The following QRICH1 variants were observed in gnomAD, a reference collection of about 807,000 sequenced individuals.
QRICH1 encodes transcriptional regulator QRICH1.
A neutral mutation model predicts 87.1 loss-of-function variants in QRICH1; 16 were observed. The ratio of observed to expected loss-of-function variants is 0.18; its 90% CI spans 0.12 to 0.28. The LOEUF (loss-of-function observed/expected upper bound fraction) is 0.28. QRICH1 is among the 10% of genes least tolerant of loss of function. QRICH1 has a pLI of 1.00. For missense variants in QRICH1, 647 were observed against 951.7 expected (o/e 0.68, Z 4.21); for synonymous variants, 367 against 368.4 (o/e 1.00, Z 0.05).
intron 2 of QRICH1, among the ~76,000 whole-genome samples, chr3:49,058,415 C>T (rs900990173): frequency 1.6e-4 from 24 of 152,068 alleles, no homozygotes; most frequent in African/African-American, 4.8e-4. Flanking sequence ...CAATCTCCAC[C>T]TCTCAGGCTC....
chr3:49,068,033 T>TA (rs976604756), intron 2 of QRICH1, among the ~76,000 whole-genome samples: 3 of 151,926 alleles, frequency 2.0e-5, no homozygotes, highest in South Asian at 2.1e-4. Context: ...ACACCTTTTT[T>TA]AAAAAAAAGT....
rs551661126 is a variant in QRICH1 at position 49,029,730 on chromosome 3, T to A, written c.*722A>T. The stretch of plus-strand genomic sequence containing the variant: ...CATGTTGAAAAGACGTGCTTGTCAT[T>A]CTTAATAAACAACTAGAGTAAGAAT... On this transcript the variant is annotated 3_prime_UTR_variant, in exon 10 of 10. Coordinates refer to ENST00000395443, the MANE Select transcript of QRICH1 (RefSeq NM_198880.3). 2.9e-6 allele frequency: 1 copy of A among 343,330 alleles called. No individual in the cohort carries two copies. Among genetic ancestry groups the A allele is most frequent in the South Asian group, 2.5e-5 (1 of 39,840 alleles). The allele number at this position is 343,330 out of a possible 1,614,324, so 21.3% of individuals were successfully genotyped here.
intron 2 of QRICH1, among the ~76,000 whole-genome samples, chr3:49,075,437 CCTGGCCAACAAGGTGAAA>C (rs2041932690): frequency 6.6e-6 from 1 of 151,976 alleles, no homozygotes; most frequent in Non-Finnish European, 1.5e-5. Context: ...TCGAGACCAG[CCTGGCCAACAAGGTGAAA>C]CCCAGTCTCT....
intron 3 of QRICH1, among the ~76,000 whole-genome samples, chr3:49,049,777 C>T (rs1473679814): frequency 1.3e-5 from 2 of 151,628 alleles, no homozygotes; most frequent in African/African-American, 4.8e-5. Context: ...GGATTACAGG[C>T]GTGAGCCACC....
At chr3:49,046,295 TAA>T (rs2093339303) in intron 5 of QRICH1, 128 bp downstream of exon 5, 2 of 1,009,656 alleles carry the variant, frequency 2.0e-6, no homozygotes, top group Non-Finnish European at 2.8e-6. Flanking sequence ...ATGTGTATTT[TAA>T]AACTCACTGT....
chr3:49,030,075 C>A lies in QRICH1; in HGVS notation c.*377G>T. The A allele has an allele frequency of 3.1e-6, 1 of 327,320 alleles. No homozygotes were observed. Among genetic ancestry groups the A allele is most frequent in the East Asian group, 5.0e-5 (1 of 20,072 alleles). 20.3% of individuals were successfully genotyped at this position (327,320 alleles called of 1,614,324 possible). A position where few individuals can be genotyped will look rare whatever the true frequency, so the allele number is the denominator to read the frequency against. ...CAAAGTCTGTCAGCCCAGTGGAAGTCGGCTGGGGAGATTCCCTCCAGGGTC... is the reference window on the plus strand; with the variant it reads ...CAAAGTCTGTCAGCCCAGTGGAAGTAGGCTGGGGAGATTCCCTCCAGGGTC... On this transcript the variant is annotated 3_prime_UTR_variant, in exon 10 of 10. Transcript: ENST00000395443.
At position 49,030,425 on chromosome 3, in the gene QRICH1, T is replaced by C. The variant is rs1389272283; in HGVS notation, c.*27A>G. 1.2e-6 allele frequency: 2 copies of C among 1,603,192 alleles called. No homozygotes were observed. The highest frequency in any genetic ancestry group is 1.7e-6 in the Non-Finnish European group (2 of 1,175,028). On this transcript the variant is annotated 3_prime_UTR_variant, in exon 10 of 10. Coordinates refer to ENST00000395443, the MANE Select transcript of QRICH1 (RefSeq NM_198880.3). ...AGTCTGTCTGGTTTTTCCTGGCTGG[T>C]TTCTCTTGTGCCATGGCCAAGGCAT... is the stretch of plus-strand genomic sequence containing the variant.
intron 5 of QRICH1, 82 bp from the exon 6 acceptor site, chr3:49,044,586 G>A: frequency 2.0e-6 from 2 of 1,012,246 alleles, no homozygotes; most frequent in South Asian, 1.5e-5. Context: ...TTTTCTACCA[G>A]TACTACTATC....
At chr3:49,049,624 A>G (rs1444077196) in intron 3 of QRICH1, among the ~76,000 whole-genome samples, 1 of 151,734 alleles carries the variant, frequency 6.6e-6, no homozygotes, top group East Asian at 2.0e-4. Context: ...CAGCCTCCCG[A>G]GTAGCTGGGA....
upstream of QRICH1, chr3:49,094,321 A>C: frequency 1.8e-5 from 6 of 334,160 alleles, no homozygotes; most frequent in Non-Finnish European, 2.7e-5. Context: ...GCTCCAAGCT[A>C]GCTCTTTGGA....
chr3:49,070,814 G>C (rs529343629), intron 2 of QRICH1, among the ~76,000 whole-genome samples: 6 of 152,112 alleles, frequency 3.9e-5, no homozygotes, highest in Non-Finnish European at 7.4e-5. Flanking sequence ...CTATCACACT[G>C]AATCTATCTC....
At chr3:49,068,212 C>T (rs969824393) in intron 2 of QRICH1, among the ~76,000 whole-genome samples, 5 of 151,884 alleles carry the variant, frequency 3.3e-5, no homozygotes, top group Admixed American at 6.6e-5. Context: ...AAAATATTAG[C>T]CAGGCGTGGT....
intron 2 of QRICH1, among the ~76,000 whole-genome samples, chr3:49,069,254 C>G (rs992659378): frequency 6.6e-5 from 10 of 151,820 alleles, no homozygotes; most frequent in Admixed American, 3.9e-4. Flanking sequence ...AGGTGCCCAC[C>G]ACCACACCTG....
intron 3 of QRICH1, among the ~76,000 whole-genome samples, chr3:49,049,189 C>T (rs944289231): frequency 1.3e-5 from 2 of 151,910 alleles, no homozygotes; most frequent in African/African-American, 4.8e-5. Flanking sequence ...CAGGCATGAG[C>T]CACTGTGCCT....
At chr3:49,085,931 A>G (rs2042159219) in intron 1 of QRICH1, among the ~76,000 whole-genome samples, 1 of 152,118 alleles carries the variant, frequency 6.6e-6, no homozygotes, top group South Asian at 2.1e-4. Context: ...AGCTCCAAGT[A>G]AAAGACTTAG....
At chr3:49,049,181 G>A (rs1428929988) in intron 3 of QRICH1, among the ~76,000 whole-genome samples, 1 of 151,868 alleles carries the variant, frequency 6.6e-6, no homozygotes, top group South Asian at 2.1e-4. Context: ...TGGGATTACA[G>A]GCATGAGCCA....
intron 2 of QRICH1, among the ~76,000 whole-genome samples, chr3:49,067,679 A>AT (rs1342612336): frequency 2.0e-5 from 3 of 151,456 alleles, no homozygotes; most frequent in Non-Finnish European, 4.4e-5. Context: ...CTAAATAATC[A>AT]TATTAAGAAT....
At chr3:49,077,675 T>C (rs546962246) in intron 1 of QRICH1, among the ~76,000 whole-genome samples, 2 of 152,330 alleles carry the variant, frequency 1.3e-5, no homozygotes, top group African/African-American at 4.8e-5. Flanking sequence ...ATGTCTCCTT[T>C]ATTATGTAAC....
At chr3:49,043,462 C>T (rs2093322052) in intron 6 of QRICH1, among the ~76,000 whole-genome samples, 1 of 136,680 alleles carries the variant, frequency 7.3e-6, no homozygotes, top group Non-Finnish European at 1.5e-5. Context: ...CACCATTGCA[C>T]TCCAGCCTGG....
Sources: allele counts gnomAD v4.1 joint callset (sites outside exome capture counted in the v4.1 genomes callset), GRCh38; gene constraint gnomAD v4.1.1; transcripts MANE v1.5; gene names NCBI Gene and HGNC (gene_info 2026-07-23, HGNC 2026-07-21).